The following TRPM2 variants were observed in gnomAD, a reference collection of about 807,000 sequenced individuals.
The protein encoded by TRPM2 is transient receptor potential cation channel subfamily M member 2.
TRPM2 carries 161 observed loss-of-function variants against 174.0 expected under a neutral mutation model. That is an observed-to-expected ratio of 0.93 (90% CI 0.81 to 1.05). The LOEUF is 1.05. Ranked by LOEUF, TRPM2 falls within the 50% of genes least tolerant of loss-of-function variation. TRPM2 has a pLI of 0.00. For synonymous variants in TRPM2, 954 were observed against 861.3 expected (o/e 1.11, Z -1.88); for missense variants, 2,057 against 2,038.0 (o/e 1.01, Z -0.18).
chr21:44,428,672 C>G (rs1419854003), intron 27 of TRPM2, among the ~76,000 whole-genome samples: 26 of 128,860 alleles, frequency 2.0e-4, no homozygotes, highest in Non-Finnish European at 3.3e-4. Context: ...CCCCTTAGGT[C>G]TGGCTCCTCC....
intron 13 of TRPM2, among the ~76,000 whole-genome samples, chr21:44,398,902 AG>A (rs1411489070): frequency 6.6e-6 from 1 of 152,156 alleles, no homozygotes; most frequent in Non-Finnish European, 1.5e-5. Flanking sequence ...CCAGGCAAGA[AG>A]GGGGTTCGTT....
chr21:44,439,381 C>T lies in TRPM2; in HGVS notation c.4269+213C>T, dbSNP rs941597864. Among the ~76,000 whole-genome samples, 5 of 152,148 alleles carry T rather than the reference C, an allele frequency of 3.3e-5. No individual in the cohort carries two copies. The highest frequency in any genetic ancestry group is 1.9e-4 in the East Asian group (1 of 5,188). ...TGTGTGCAGGGCCCCTCAGACATCTCGCCCTCCCTCTCTGTTCCATTTTCT... is the reference window on the plus strand; with the variant it reads ...TGTGTGCAGGGCCCCTCAGACATCTTGCCCTCCCTCTCTGTTCCATTTTCT... On this transcript the variant is annotated intron_variant, in intron 30 of 31. Transcript: ENST00000397928. The surrounding 1 kb of genome is among the most constrained non-coding windows in gnomAD (Gnocchi z 5.1).
At chr21:44,431,727 T>TCTGTGCA (rs1246171392) in intron 27 of TRPM2, among the ~76,000 whole-genome samples, 1 of 152,208 alleles carries the variant, frequency 6.6e-6, no homozygotes, top group East Asian at 1.9e-4. Flanking sequence ...CCGCCCGCCT[T>TCTGTGCA]GGCCTCCCAA....
At chr21:44,437,039 A>G in intron 28 of TRPM2, 23 bp from the exon 29 acceptor site, 1 of 1,546,472 alleles carries the variant, frequency 6.5e-7, no homozygotes, top group Non-Finnish European at 8.7e-7. Flanking sequence ...GGTCCTGGGC[A>G]GCCATGGCCG....
rs1345620859 is a variant in TRPM2, at chr21:44,417,989, T to C, written c.3209T>C (p.Leu1070Pro). 3 of 1,612,910 alleles carry C rather than the reference T, an allele frequency of 1.9e-6. No homozygotes were observed. The highest frequency in any genetic ancestry group is 2.5e-6 in the Non-Finnish European group (3 of 1,180,020). Residue 1070 changes from leucine to proline, a missense_variant, in exon 21 of 32, where the codon CTG becomes CCG. By Grantham distance (98) the Leu-to-Pro change is moderately conservative (BLOSUM62 -3). Coordinates refer to ENST00000397928, the MANE Select transcript of TRPM2 (RefSeq NM_003307.4). Reference protein sequence around the residue: ...DQIWKFQRHDLIEEYHGRPAA... With the variant: ...DQIWKFQRHDPIEEYHGRPAA... ...ATTTGGAAGTTCCAGCGCCATGACC[T>C]GATCGAGGAGTACCACGGCCGCCCC...
rs998711134 is a variant in TRPM2 at position 44,383,569 on chromosome 21, A to G, written c.1318+749A>G. 1.2e-4 allele frequency among the ~76,000 whole-genome samples: 19 copies of G among 152,348 alleles called. 1 individual carries two copies. The highest frequency in any genetic ancestry group is 8.5e-4 in the Admixed American group (13 of 15,308). On this transcript the variant is annotated intron_variant, in intron 9 of 31. Transcript: ENST00000397928. ...TTATCAAGGACTTGATGTTGTGCAT[A>G]AAACCTCACACAAACAGCGAGATGA...
At chr21:44,357,595 C>T (rs1283240975) in intron 2 of TRPM2, among the ~76,000 whole-genome samples, 5 of 152,226 alleles carry the variant, frequency 3.3e-5, no homozygotes, top group Admixed American at 2.0e-4. Flanking sequence ...CTGCAAAGCC[C>T]ATTCGAGGCT....
At chr21:44,406,151 C>T in intron 18 of TRPM2, 114 bp downstream of exon 18, 1 of 1,360,956 alleles carries the variant, frequency 7.3e-7, no homozygotes, top group African/African-American at 1.5e-5. Context: ...CTGTAGGTTC[C>T]CCGTCCCTGC....
chr21:44,391,625 C>T lies in TRPM2; in HGVS notation c.1794C>T (p.Asn598=), dbSNP rs772280369. The change falls in exon 11 of 32, where the codon AAC becomes AAT. Residue 598 remains asparagine, a splice_region_variant and synonymous_variant. Transcript: ENST00000397928. The surrounding 1 kb of genome is among the most constrained non-coding windows in gnomAD (Gnocchi z 5.0). ...TGCCCGTTCCCCACGTCAAGCTCAA[C>T]GTGCGTGCTGGTAACGGGGCCCATC... ...LLLPVPHVKL[N]VQGVSLRSLY... 13 of 1,569,004 alleles carry T rather than the reference C, an allele frequency of 8.3e-6. No homozygotes were observed. Among genetic ancestry groups the T allele is most frequent in the Non-Finnish European group, 1.0e-5 (12 of 1,164,150 alleles).
At chr21:44,387,922 G>A (rs2049059963) in intron 9 of TRPM2, among the ~76,000 whole-genome samples, 1 of 152,188 alleles carries the variant, frequency 6.6e-6, no homozygotes, top group South Asian at 2.1e-4. Flanking sequence ...GGAGAAACTG[G>A]AGCCCTTGTG....
At chr21:44,410,453 G>A (rs367626763) in intron 19 of TRPM2, among the ~76,000 whole-genome samples, 11 of 65,408 alleles carry the variant, frequency 1.7e-4, no homozygotes, top group East Asian at 6.2e-4. Context: ...AGTTTTGACC[G>A]CACTGTCTTG....
chr21:44,389,359 T>C lies in TRPM2; in HGVS notation c.1319-1545T>C, dbSNP rs191614739. ...GGGTGCATTTAGGTTGTTTCCAGTT[T>C]GGGGCTATTATGAATAAAGCTGCTA... is the stretch of plus-strand genomic sequence containing the variant. On this transcript the variant is annotated intron_variant, in intron 9 of 31. Coordinates refer to ENST00000397928, the MANE Select transcript of TRPM2 (RefSeq NM_003307.4). Among the ~76,000 whole-genome samples the C allele has an allele frequency of 9.8e-4, 149 of 152,346 alleles. 1 individual carries two copies. Among genetic ancestry groups the C allele is most frequent in the African/African-American group, 3.3e-3 (138 of 41,580 alleles).
intron 7 of TRPM2, 65 bp from the exon 8 acceptor site, chr21:44,378,932 C>A: frequency 2.0e-6 from 3 of 1,533,494 alleles, no homozygotes; most frequent in Non-Finnish European, 2.7e-6. Flanking sequence ...GAGAATTCTC[C>A]ATTTCAGAAA....
intron 12 of TRPM2, 76 bp from the exon 13 acceptor site, chr21:44,397,671 T>A (rs1379318956): frequency 6.8e-7 from 1 of 1,465,430 alleles, no homozygotes; most frequent in Non-Finnish European, 9.1e-7. Context: ...TTTCATCACC[T>A]GGGGCAGTGT....
At chr21:44,401,233 G>C (rs1322960352) in intron 15 of TRPM2, among the ~76,000 whole-genome samples, 1 of 152,172 alleles carries the variant, frequency 6.6e-6, no homozygotes, top group Non-Finnish European at 1.5e-5. Flanking sequence ...CACCACAGGG[G>C]GAGTGTGGTC....
intron 20 of TRPM2, chr21:44,414,464 C>G (rs1433819990): frequency 4.9e-6 from 1 of 205,126 alleles, no homozygotes; most frequent in South Asian, 9.6e-5. Flanking sequence ...ACCCGGGGAG[C>G]GTGCTGGGGC....
intron 9 of TRPM2, among the ~76,000 whole-genome samples, chr21:44,385,488 G>A (rs1487143200): frequency 6.6e-6 from 1 of 152,182 alleles, no homozygotes; most frequent in Non-Finnish European, 1.5e-5. Flanking sequence ...ATAAGGGAAG[G>A]ATGCATACTT....
Position 44,369,193 on chromosome 21 carries a change from A to C in TRPM2, c.621A>C (p.Thr207=), listed in dbSNP as rs202017345. The C allele has an allele frequency of 3.3e-5, 53 of 1,610,652 alleles. No homozygotes were observed. In the East Asian group the frequency reaches 7.1e-4, roughly 22 times the overall value. ...CTTCCCCAGGGGCCTGGATCATCAC[A>C]GGGGGGTCCCACACCGGCGTCATGA... is the stretch of plus-strand genomic sequence containing the variant. ...VAQTTGAWII[T]GGSHTGVMKQ... The change falls in exon 5 of 32, where the codon ACA becomes ACC. Residue 207 remains threonine (T), a synonymous_variant. Transcript: ENST00000397928.
chr21:44,405,255 C>G lies in TRPM2; in HGVS notation c.2652C>G (p.Thr884=). The G allele has an allele frequency of 6.2e-7, 1 of 1,612,820 alleles. No individual in the cohort carries two copies. Among genetic ancestry groups the G allele is most frequent in the Non-Finnish European group, 8.5e-7 (1 of 1,179,922 alleles). Residue 884 remains threonine (T), a synonymous_variant, in exon 17 of 32, where the codon ACC becomes ACG. Coordinates refer to ENST00000397928, the MANE Select transcript of TRPM2 (RefSeq NM_003307.4). ...GAILLFVAGL[T]CRLIPATLYP... ...TCTTGCTCTTCGTGGCAGGGCTGAC[C>G]TGCAGGTGAGTGGCCTCACCCCGAT... is the stretch of plus-strand genomic sequence containing the variant.
Sources: gnomAD v4.1 joint callset for allele counts (sites outside exome capture counted in the v4.1 genomes callset) on GRCh38, gnomAD v4.1.1 for gene constraint, Gnocchi (gnomAD v3.1) non-coding constraint, MANE v1.5 for transcripts, NCBI Gene and HGNC (gene_info 2026-07-23, HGNC 2026-07-21) for gene names.